The following RUFY1 variants were observed in gnomAD, a reference collection of about 807,000 sequenced individuals.
The protein encoded by RUFY1 is RUN and FYVE domain-containing protein 1.
In RUFY1, 54 loss-of-function variants were observed where a neutral mutation model predicts 94.6. That is an observed-to-expected ratio of 0.57 (90% CI 0.46 to 0.72). RUFY1 has a LOEUF of 0.72. RUFY1 is among the 30% of genes least tolerant of loss of function. RUFY1 has a pLI of 0.00. For synonymous variants in RUFY1, 396 were observed against 347.3 expected (o/e 1.14, Z -1.56); for missense variants, 883 against 883.9 (o/e 1.00, Z 0.01).
At chr5:179,594,992 C>T (rs747744742) in intron 12 of RUFY1, 29 bp downstream of exon 12, 13 of 1,464,438 alleles carry the variant, frequency 8.9e-6, no homozygotes, top group Admixed American at 6.7e-5. Context: ...CAGATATTCT[C>T]GGGAAGGCTC....
chr5:179,554,957 A>C (rs959079762), intron 1 of RUFY1, among the ~76,000 whole-genome samples: 1 of 151,744 alleles, frequency 6.6e-6, no homozygotes, highest in Non-Finnish European at 1.5e-5. Flanking sequence ...GACGAGCAAA[A>C]TTCTGTCTCA....
intron 10 of RUFY1, among the ~76,000 whole-genome samples, chr5:179,592,128 T>G (rs1456444319): frequency 6.6e-6 from 1 of 150,964 alleles, no homozygotes; most frequent in East Asian, 1.9e-4. Flanking sequence ...GGTTTTTGGT[T>G]TTTTTTTTGA....
chr5:179,608,553 G>C (rs1162191625), intron 17 of RUFY1: 3 of 985,342 alleles, frequency 3.0e-6, no homozygotes, highest in Non-Finnish European at 3.6e-6. Context: ...CAAAGAGAAC[G>C]AACCAGACTC....
In RUFY1 at chr5:179,559,973, A is replaced by G. The variant is rs970484842; in HGVS notation, c.311-52A>G. 3.8e-6 allele frequency: 6 copies of G among 1,570,012 alleles called. No individual in the cohort carries two copies. In the Admixed American group the frequency reaches 1.0e-4, roughly 27 times the overall value. The stretch of plus-strand genomic sequence containing the variant: ...TCTTCTCACCGTTGCCCGGAGTCTG[A>G]CCTCCCCACGCTCAGTCCACTAACG... On this transcript the variant is annotated intron_variant, in intron 1 of 17. Transcript: ENST00000319449.
intron 7 of RUFY1, among the ~76,000 whole-genome samples, chr5:179,585,493 C>G (rs1165185829): frequency 6.6e-6 from 1 of 152,152 alleles, no homozygotes; most frequent in Non-Finnish European, 1.5e-5. Context: ...GCTGGAAAAT[C>G]GCTTGAACCC....
rs765490690 is a variant in RUFY1, at chr5:179,550,630, G to A, written c.61G>A (p.Glu21Lys). The A allele has an allele frequency of 2.1e-6, 3 of 1,416,796 alleles. No individual in the cohort carries two copies. The highest frequency in any genetic ancestry group is 2.6e-5 in the Admixed American group (1 of 38,906). 87.8% of individuals were successfully genotyped at this position (1,416,796 alleles called of 1,614,324 possible). Reference protein sequence around the residue: ...GRGRELEPELEPGPGPGSALE... With the variant: ...GRGRELEPELKPGPGPGSALE... ...GGGGCGGGAGCTGGAGCCGGAGCTG[G>A]AGCCGGGGCCGGGGCCCGGGTCAGC... Residue 21 changes from glutamate (E) to lysine (K), a missense_variant, in exon 1 of 18, where the codon GAG becomes AAG. Transcript: ENST00000319449.
At chr5:179,581,164 TGAA>T (rs1764128267) in intron 7 of RUFY1, 152 bp downstream of exon 7, 2 of 604,208 alleles carry the variant, frequency 3.3e-6, no homozygotes, top group East Asian at 5.7e-5. Context: ...TTGTACAAAC[TGAA>T]GAAGTATGAT....
chr5:179,608,939 C>T (rs757751033), intron 17 of RUFY1, among the ~76,000 whole-genome samples: 5 of 142,320 alleles, frequency 3.5e-5, no homozygotes, highest in Admixed American at 7.2e-5. Flanking sequence ...AAAAAAAAGC[C>T]GGGCGCGGTG....
chr5:179,608,217 T>C (rs1454314631), intron 17 of RUFY1: 4 of 878,256 alleles, frequency 4.6e-6, no homozygotes, highest in Non-Finnish European at 2.7e-6. Flanking sequence ...AACTGGGAGC[T>C]AAAGGAAACA....
intron 14 of RUFY1, among the ~76,000 whole-genome samples, chr5:179,601,350 G>A (rs1348983235): frequency 2.6e-5 from 4 of 151,588 alleles, no homozygotes; most frequent in African/African-American, 7.3e-5. Flanking sequence ...TGTATTTTTA[G>A]TGGAGACAGG....
intron 13 of RUFY1, 167 bp downstream of exon 13, chr5:179,596,848 AG>A (rs939530644): frequency 3.3e-6 from 3 of 904,780 alleles, no homozygotes; most frequent in Non-Finnish European, 4.7e-6. Context: ...TGTTATCCCT[AG>A]GGAGCTCCCT....
chr5:179,569,571 C>G (rs1185850779), intron 5 of RUFY1, 146 bp downstream of exon 5: 5 of 800,432 alleles, frequency 6.2e-6, no homozygotes, highest in Admixed American at 4.0e-5. Flanking sequence ...TGGGGAAGGT[C>G]TCGGAAGGGT....
chr5:179,609,570 T>G lies in RUFY1; in HGVS notation c.*51T>G, dbSNP rs1384763438. 1 of 1,481,628 alleles carries G rather than the reference T, an allele frequency of 6.7e-7. No individual in the cohort carries two copies. The highest frequency in any genetic ancestry group is 2.3e-5 in the Admixed American group (1 of 43,790). The allele number at this position is 1,481,628 out of a possible 1,614,324, so 91.8% of individuals were successfully genotyped here. On this transcript the variant is annotated 3_prime_UTR_variant, in exon 18 of 18. Transcript: ENST00000319449. ...CACGGACAGTGCCAAACCCTGTGGG[T>G]CTCCAGGGGCTTGGGAAATGTGTTC... is the stretch of plus-strand genomic sequence containing the variant.
Position 179,591,704 on chromosome 5 carries a change from T to C in RUFY1, c.1208T>C (p.Val403Ala), listed in dbSNP as rs1361080335. ...RQGLDEMYSD[V>A]WKQLKEEKKV... ...GGTCTGGATGAAATGTACAGTGATG[T>C]GTGGAAGCAGCTAAAAGAGGAGAAG... Residue 403 changes from valine to alanine, a missense_variant, in exon 10 of 18, where the codon GTG (valine) becomes GCG (alanine). Coordinates refer to ENST00000319449, the MANE Select transcript of RUFY1 (RefSeq NM_025158.5). The C allele has an allele frequency of 6.2e-7, 1 of 1,611,206 alleles. No individual in the cohort carries two copies.
At chr5:179,552,450 A>G (rs1761913028) in intron 1 of RUFY1, among the ~76,000 whole-genome samples, 1 of 152,224 alleles carries the variant, frequency 6.6e-6, no homozygotes, top group African/African-American at 2.4e-5. Context: ...GTGGTCAAGA[A>G]TAATTACTGA....
chr5:179,582,989 T>C (rs1581491438), intron 7 of RUFY1, among the ~76,000 whole-genome samples: 1 of 152,092 alleles, frequency 6.6e-6, no homozygotes, highest in Non-Finnish European at 1.5e-5. Flanking sequence ...TTCTAGATCA[T>C]GGGCATTATT....
chr5:179,580,458 G>T (rs1202801183), intron 6 of RUFY1, among the ~76,000 whole-genome samples: 1 of 151,418 alleles, frequency 6.6e-6, no homozygotes, highest in Non-Finnish European at 1.5e-5. Context: ...TAGCCAGGAT[G>T]GTCTCCATCT....
chr5:179,562,460 A>C, intron 2 of RUFY1, 87 bp from the exon 3 acceptor site: 1 of 752,936 alleles, frequency 1.3e-6, no homozygotes. Flanking sequence ...TTTCACTTCC[A>C]CTTGGCTTTT....
At chr5:179,561,390 T>G (rs1185271820) in intron 2 of RUFY1, among the ~76,000 whole-genome samples, 1 of 151,958 alleles carries the variant, frequency 6.6e-6, no homozygotes, top group African/African-American at 2.4e-5. Context: ...ATATATGTCC[T>G]TAAAGGTCAG....
Sources: allele counts gnomAD v4.1 joint callset (sites outside exome capture counted in the v4.1 genomes callset), GRCh38; gene constraint gnomAD v4.1.1; transcripts MANE v1.5; gene names NCBI Gene and HGNC (gene_info 2026-07-23, HGNC 2026-07-21).